ST8SIA4: variants seen among roughly 807,000 people sequenced by gnomAD.
The protein encoded by ST8SIA4 is CMP-N-acetylneuraminate-poly-alpha-2,8-sialyltransferase.
ST8SIA4 carries 15 observed loss-of-function variants against 33.9 expected under a neutral mutation model. That is an observed-to-expected ratio of 0.44 (90% CI 0.30 to 0.68). ST8SIA4 has a LOEUF of 0.68. Ranked by LOEUF, ST8SIA4 falls within the 30% of genes least tolerant of loss-of-function variation. The pLI is 0.10. For missense variants in ST8SIA4, 321 were observed against 428.0 expected (o/e 0.75, Z 2.21); for synonymous variants, 171 against 151.2 (o/e 1.13, Z -0.96).
At chr5:100,850,783 GTATA>G (rs768091551) in intron 4 of ST8SIA4, among the ~76,000 whole-genome samples, 1 of 123,666 alleles carries the variant, frequency 8.1e-6, no homozygotes, top group Admixed American at 8.3e-5. Flanking sequence ...GTGTAGATGT[GTATA>G]TATATATATA....
At position 100,811,641 on chromosome 5, in the gene ST8SIA4, C is replaced by G; in HGVS notation, c.*206G>C. ...GTATTCTTAGTGGAAGTGGCACTTA[C>G]TAGGACCCTTAAAGTCAAAATATTT... On this transcript the variant is annotated 3_prime_UTR_variant, in exon 5 of 5. Coordinates refer to ENST00000231461, the MANE Select transcript of ST8SIA4 (RefSeq NM_005668.6). The G allele has an allele frequency of 1.8e-6, 1 of 543,950 alleles. No homozygotes were observed. The highest frequency in any genetic ancestry group is 3.2e-6 in the Non-Finnish European group (1 of 307,988). The allele number at this position is 543,950 out of a possible 1,614,324, so 33.7% of individuals were successfully genotyped here. A position where few individuals can be genotyped will look rare whatever the true frequency, so the allele number is the denominator to read the frequency against.
At chr5:100,824,086 T>C (rs1406480453) in intron 4 of ST8SIA4, among the ~76,000 whole-genome samples, 1 of 152,226 alleles carries the variant, frequency 6.6e-6, no homozygotes, top group Non-Finnish European at 1.5e-5. Context: ...TAATCACTTG[T>C]TTGATGATTG....
chr5:100,867,233 C>CT (rs1752086585), intron 3 of ST8SIA4, among the ~76,000 whole-genome samples: 1 of 152,050 alleles, frequency 6.6e-6, no homozygotes, highest in Middle Eastern at 3.4e-3. Context: ...CGAAATAAAA[C>CT]TTTGAGTACA....
chr5:100,814,843 T>C (rs559237295), intron 4 of ST8SIA4, among the ~76,000 whole-genome samples: 1 of 152,104 alleles, frequency 6.6e-6, no homozygotes, highest in South Asian at 2.1e-4. Context: ...AGATAATATT[T>C]ATCAGCATCA....
intron 4 of ST8SIA4, among the ~76,000 whole-genome samples, chr5:100,837,114 C>T (rs1751379517): frequency 6.6e-6 from 1 of 151,972 alleles, no homozygotes. Flanking sequence ...CAGTAAGTGT[C>T]ACAAGTGCTT....
At chr5:100,819,453 T>C (rs999893756) in intron 4 of ST8SIA4, among the ~76,000 whole-genome samples, 1 of 152,218 alleles carries the variant, frequency 6.6e-6, no homozygotes, top group Non-Finnish European at 1.5e-5. Context: ...ACAATTGCCT[T>C]GTCCCTGGCA....
chr5:100,819,383 T>C (rs942849708), intron 4 of ST8SIA4, among the ~76,000 whole-genome samples: 1 of 152,214 alleles, frequency 6.6e-6, no homozygotes, highest in Admixed American at 6.5e-5. Context: ...AATATAAATC[T>C]TTATTCTCTA....
intron 3 of ST8SIA4, among the ~76,000 whole-genome samples, chr5:100,865,522 CTACCTGAGT>C (rs1752042526): frequency 6.6e-6 from 1 of 152,152 alleles, no homozygotes; most frequent in African/African-American, 2.4e-5. Flanking sequence ...ACTCTAACTC[CTACCTGAGT>C]TTCAATCAGT....
At chr5:100,882,181 C>G (rs1223095909) in intron 3 of ST8SIA4, among the ~76,000 whole-genome samples, 1 of 152,112 alleles carries the variant, frequency 6.6e-6, no homozygotes, top group African/African-American at 2.4e-5. Flanking sequence ...AAAGCCTGAT[C>G]GCAATATGGA....
intron 3 of ST8SIA4, among the ~76,000 whole-genome samples, chr5:100,879,080 A>C (rs1465198149): frequency 5.9e-5 from 9 of 152,196 alleles, no homozygotes; most frequent in Non-Finnish European, 1.3e-4. Flanking sequence ...ACAAATCAAA[A>C]ATGATCATGG....
In ST8SIA4 at chr5:100,892,728, T is replaced by TA. The variant is rs1248073984; in HGVS notation, c.245+2925dup. 5.3e-5 allele frequency among the ~76,000 whole-genome samples: 8 copies of TA among 152,146 alleles called. No individual in the cohort carries two copies. In the East Asian group the frequency reaches 5.8e-4, roughly 11 times the overall value. Reference sequence around the variant, plus strand: ...TATAATGATAGTTGAATCAGTAAGATAAAAAAATGGTTGGAAATAATGTCT... The same window carrying TA: ...TATAATGATAGTTGAATCAGTAAGATAAAAAAAATGGTTGGAAATAATGTCT... On this transcript the variant is annotated intron_variant, in intron 2 of 4. Coordinates refer to ENST00000231461, the MANE Select transcript of ST8SIA4 (RefSeq NM_005668.6).
intron 4 of ST8SIA4, among the ~76,000 whole-genome samples, chr5:100,851,437 A>G (rs1304911757): frequency 6.6e-6 from 1 of 152,062 alleles, no homozygotes; most frequent in Admixed American, 6.5e-5. Flanking sequence ...AAGTACTACA[A>G]ATGTCCATCA....
chr5:100,845,530 T>C (rs1318940666), intron 4 of ST8SIA4, among the ~76,000 whole-genome samples: 2 of 151,912 alleles, frequency 1.3e-5, no homozygotes, highest in Admixed American at 6.6e-5. Flanking sequence ...TCTTTTCTCC[T>C]GAAAAGTCAA....
chr5:100,851,662 C>T (rs1751700662), intron 4 of ST8SIA4, among the ~76,000 whole-genome samples: 1 of 151,902 alleles, frequency 6.6e-6, no homozygotes, highest in African/African-American at 2.4e-5. Flanking sequence ...ATATGCTTCT[C>T]TATCTATCTG....
intron 4 of ST8SIA4, among the ~76,000 whole-genome samples, chr5:100,853,284 GT>G (rs1379879434): frequency 6.6e-6 from 1 of 152,140 alleles, no homozygotes; most frequent in Non-Finnish European, 1.5e-5. Flanking sequence ...CAATGTATTA[GT>G]TTCAATAAAA....
chr5:100,856,459 G>A, intron 3 of ST8SIA4, 63 bp from the exon 4 acceptor site: 1 of 1,455,902 alleles, frequency 6.9e-7, no homozygotes, highest in African/African-American at 1.4e-5. Context: ...GTAAAATGGT[G>A]TTCATGAAAA....
chr5:100,863,921 A>T (rs1375663604), intron 3 of ST8SIA4, among the ~76,000 whole-genome samples: 1 of 152,244 alleles, frequency 6.6e-6, no homozygotes, highest in African/African-American at 2.4e-5. Context: ...AACAGAAAAG[A>T]ATCTGTAAAA....
Position 100,811,792 on chromosome 5 carries a change from A to G in ST8SIA4, c.*55T>C. ...GCCGTGTTTTGGATCCTATTTTCAA[A>G]TCTTCGGAAGCATCTTCAGAAAAGA... is the stretch of plus-strand genomic sequence containing the variant. On this transcript the variant is annotated 3_prime_UTR_variant, in exon 5 of 5. Transcript: ENST00000231461. 1.3e-6 allele frequency: 2 copies of G among 1,521,180 alleles called. No homozygotes were observed. The highest frequency in any genetic ancestry group is 1.3e-5 in the South Asian group (1 of 75,290). 94.2% of individuals were successfully genotyped at this position (1,521,180 alleles called of 1,614,324 possible).
chr5:100,849,379 T>A, intron 4 of ST8SIA4: 1 of 985,442 alleles, frequency 1.0e-6, no homozygotes, highest in Non-Finnish European at 1.2e-6. Context: ...TCTGCGTAAT[T>A]CTTCAAAATT....
Sources: allele counts gnomAD v4.1 joint callset (sites outside exome capture counted in the v4.1 genomes callset), GRCh38; gene constraint gnomAD v4.1.1; transcripts MANE v1.5; gene names NCBI Gene and HGNC (gene_info 2026-07-23, HGNC 2026-07-21).